CLSTN2: variants seen among roughly 807,000 people sequenced by gnomAD.
CLSTN2 encodes the protein calsyntenin-2.
CLSTN2 carries 48 observed loss-of-function variants against 101.2 expected under a neutral mutation model. The observed-to-expected ratio is 0.47, with a 90% confidence interval of 0.38 to 0.60. The LOEUF is 0.60. Ranked by LOEUF, CLSTN2 falls within the 20% of genes least tolerant of loss-of-function variation. CLSTN2 has a pLI of 0.00. For missense variants in CLSTN2, 1,160 were observed against 1,238.2 expected, an observed-to-expected ratio of 0.94 and a Z score of 0.95; for synonymous variants, 481 against 463.6, an observed-to-expected ratio of 1.04 and a Z score of -0.48.
intron 1 of CLSTN2, among the ~76,000 whole-genome samples, chr3:140,172,304 C>T (rs1035245105): frequency 2.6e-5 from 4 of 152,110 alleles, no homozygotes; most frequent in Non-Finnish European, 5.9e-5. Context: ...AGAAAGATCA[C>T]TCTTGATACC....
intron 2 of CLSTN2, among the ~76,000 whole-genome samples, chr3:140,254,186 A>C (rs2086586621): frequency 6.6e-6 from 1 of 152,170 alleles, no homozygotes; most frequent in East Asian, 1.9e-4. Context: ...GATCCTTGCA[A>C]ACTTTAAAGA....
At chr3:140,464,045 C>T (rs1308863788) in intron 7 of CLSTN2, among the ~76,000 whole-genome samples, 2 of 152,196 alleles carry the variant, frequency 1.3e-5, no homozygotes, top group Non-Finnish European at 2.9e-5. Flanking sequence ...ATAGCAGGGC[C>T]ATCCTTACAG....
intron 1 of CLSTN2, among the ~76,000 whole-genome samples, chr3:140,119,764 G>A (rs2009307979): frequency 3.9e-5 from 6 of 152,140 alleles, no homozygotes; most frequent in Admixed American, 3.9e-4. Context: ...GCCTCCCCAA[G>A]TGCTGGGATT....
In CLSTN2 at chr3:140,448,600, G is replaced by A. The variant is rs762406617; in HGVS notation, c.869G>A (p.Gly290Glu). 6.2e-7 allele frequency: 1 copy of A among 1,614,004 alleles called. No individual in the cohort carries two copies. Among genetic ancestry groups the A allele is most frequent in the Non-Finnish European group, 8.5e-7 (1 of 1,180,020 alleles). ...FPSIHLETCD[G>E]AVSSLQIVTE... Reference sequence around the variant, plus strand: ...AGCATCCACCTGGAGACGTGCGATGGAGCCGTGTCTTCCCTCCAGATCGTC... The same window carrying A: ...AGCATCCACCTGGAGACGTGCGATGAAGCCGTGTCTTCCCTCCAGATCGTC... Residue 290 changes from glycine to glutamate, a missense_variant, in exon 6 of 17, where the codon GGA (glycine) becomes GAA (glutamate). Physicochemically the swap from Gly to Glu is moderately conservative, Grantham distance 98 (BLOSUM62 -2). Transcript: ENST00000458420.
At chr3:139,952,814 C>T (rs1357024971) in intron 1 of CLSTN2, among the ~76,000 whole-genome samples, 2 of 152,138 alleles carry the variant, frequency 1.3e-5, no homozygotes, top group South Asian at 2.1e-4. Flanking sequence ...CATTCCTAGG[C>T]AGTGATTAAG....
rs989415632 is a variant in CLSTN2 at position 140,127,194 on chromosome 3, A to G, written c.110-48757A>G. On this transcript the variant is annotated intron_variant, in intron 1 of 16. Transcript: ENST00000458420. ...CCCATCATCAACACAGATAGTAACA[A>G]TCTGTGTTACTGACAGGCTGCAGAT... Among the ~76,000 whole-genome samples, 38 of 152,094 alleles carry G rather than the reference A, an allele frequency of 2.5e-4. 1 individual carries two copies. The highest frequency in any genetic ancestry group is 5.4e-4 in the Non-Finnish European group (37 of 68,018).
chr3:140,085,070 A>G (rs1447726156), intron 1 of CLSTN2, among the ~76,000 whole-genome samples: 2 of 152,164 alleles, frequency 1.3e-5, no homozygotes, highest in Admixed American at 6.5e-5. Flanking sequence ...CTTTTCTAGG[A>G]TTGTCAGATA....
intron 2 of CLSTN2, among the ~76,000 whole-genome samples, chr3:140,249,152 A>G (rs1405146748): frequency 6.6e-6 from 1 of 152,164 alleles, no homozygotes; most frequent in East Asian, 1.9e-4. Flanking sequence ...CCAGCTTGGT[A>G]CAAGTCAGGC....
intron 1 of CLSTN2, among the ~76,000 whole-genome samples, chr3:140,140,269 A>G (rs928084956): frequency 6.6e-6 from 1 of 152,136 alleles, no homozygotes; most frequent in African/African-American, 2.4e-5. Flanking sequence ...TTTATAAAGA[A>G]AGGGGTTTAT....
chr3:140,466,849 G>GA (rs975406873), intron 8 of CLSTN2, 118 bp downstream of exon 8: 1 of 1,372,014 alleles, frequency 7.3e-7, no homozygotes, highest in Admixed American at 2.2e-5. Flanking sequence ...CTGAATTTTG[G>GA]AAAAATCAGC....
intron 9 of CLSTN2, among the ~76,000 whole-genome samples, chr3:140,534,616 A>C (rs78010517): frequency 0.041 from 6,306 of 152,252 alleles, 430 homozygotes; most frequent in African/African-American, 0.14. Context: ...GCCACATTGC[A>C]TGGCTGGATA....
intron 10 of CLSTN2, among the ~76,000 whole-genome samples, chr3:140,551,640 G>T (rs1046761797): frequency 3.3e-5 from 5 of 152,120 alleles, no homozygotes; most frequent in African/African-American, 1.2e-4. Flanking sequence ...TATTAACCAT[G>T]TTTAGGTGTT....
chr3:140,168,255 A>G (rs909340669), intron 1 of CLSTN2, among the ~76,000 whole-genome samples: 10 of 152,156 alleles, frequency 6.6e-5, no homozygotes, highest in African/African-American at 2.2e-4. Flanking sequence ...TGTGGCTTCA[A>G]TTTACATGCC....
intron 1 of CLSTN2, among the ~76,000 whole-genome samples, chr3:139,950,031 T>C (rs1228735995): frequency 2.0e-5 from 3 of 152,112 alleles, no homozygotes; most frequent in Admixed American, 2.0e-4. Flanking sequence ...GCCTGTGGAG[T>C]TCTGAGCCTA....
At chr3:140,190,636 T>A (rs1459301997) in intron 2 of CLSTN2, among the ~76,000 whole-genome samples, 1 of 152,090 alleles carries the variant, frequency 6.6e-6, no homozygotes, top group Non-Finnish European at 1.5e-5. Flanking sequence ...CCTGCACATG[T>A]TTTCTTATAT....
intron 1 of CLSTN2, among the ~76,000 whole-genome samples, chr3:140,027,917 C>T (rs1040451694): frequency 7.9e-5 from 12 of 152,198 alleles, no homozygotes; most frequent in African/African-American, 2.9e-4. Context: ...GCCACTGACT[C>T]GCTTGGTAAC....
intron 2 of CLSTN2, among the ~76,000 whole-genome samples, chr3:140,389,370 T>C (rs1031421135): frequency 6.6e-6 from 1 of 152,246 alleles, no homozygotes; most frequent in Non-Finnish European, 1.5e-5. Flanking sequence ...CTCCCACTTA[T>C]AAGTGAGAAC....
intron 2 of CLSTN2, among the ~76,000 whole-genome samples, chr3:140,383,337 C>G (rs570594606): frequency 6.6e-6 from 1 of 152,166 alleles, no homozygotes; most frequent in South Asian, 2.1e-4. Context: ...AATGGGTGCC[C>G]ATTAATTATT....
intron 1 of CLSTN2, among the ~76,000 whole-genome samples, chr3:140,049,043 G>A (rs2007937778): frequency 6.6e-6 from 1 of 152,214 alleles, no homozygotes; most frequent in Non-Finnish European, 1.5e-5. Context: ...GGCCCATGCA[G>A]GCAGCACTGG....
Sources: allele counts gnomAD v4.1 joint callset (sites outside exome capture counted in the v4.1 genomes callset), GRCh38; gene constraint gnomAD v4.1.1; transcripts MANE v1.5; gene names NCBI Gene and HGNC (gene_info 2026-07-23, HGNC 2026-07-21).